The following KCNH7 variants were observed in gnomAD, a reference collection of about 807,000 sequenced individuals.
The protein encoded by KCNH7 is voltage-gated inwardly rectifying potassium channel KCNH7.
In KCNH7, 49 loss-of-function variants were observed where a neutral mutation model predicts 120.8. The observed-to-expected ratio is 0.41, with a 90% CI of 0.32 to 0.51. The LOEUF is 0.51. KCNH7 is among the 20% of genes least tolerant of loss of function. The probability of loss-of-function intolerance (pLI) is 0.38; values close to 1 mark genes in which losing one functional copy is unlikely to be tolerated. For missense variants in KCNH7, 1,097 were observed against 1,446.6 expected, an observed-to-expected ratio of 0.76 and a Z score of 3.92; for synonymous variants, 547 against 516.1, an observed-to-expected ratio of 1.06 and a Z score of -0.81.
At chr2:162,468,851 T>C (rs1385208771) in intron 6 of KCNH7, among the ~76,000 whole-genome samples, 1 of 147,112 alleles carries the variant, frequency 6.8e-6, no homozygotes, top group African/African-American at 2.7e-5. Flanking sequence ...CCAGCCTCTT[T>C]CCCTTTTTTT....
At chr2:162,809,911 T>TAATATAATATACATTTATGATCAAA (rs1455946367) in intron 2 of KCNH7, among the ~76,000 whole-genome samples, 1 of 54,866 alleles carries the variant, frequency 1.8e-5, no homozygotes, top group African/African-American at 5.6e-5. Context: ...CACCTATTCT[T>TAATATAATATACATTTATGATCAAA]TTTTTTTTTT....
At chr2:162,696,986 A>C (rs560700768) in intron 2 of KCNH7, among the ~76,000 whole-genome samples, 1 of 152,188 alleles carries the variant, frequency 6.6e-6, no homozygotes, top group African/African-American at 2.4e-5. Context: ...ATTTTCTATT[A>C]GTTATTTTCA....
chr2:162,465,673 G>A (rs978997773), intron 6 of KCNH7, among the ~76,000 whole-genome samples: 2 of 152,136 alleles, frequency 1.3e-5, no homozygotes, highest in African/African-American at 4.8e-5. Flanking sequence ...TGTATTCATT[G>A]AGGTTATAAG....
At chr2:162,649,126 T>A (rs1454761512) in intron 2 of KCNH7, among the ~76,000 whole-genome samples, 3 of 152,218 alleles carry the variant, frequency 2.0e-5, no homozygotes, top group African/African-American at 7.2e-5. Flanking sequence ...ATTTCCACTA[T>A]CAATTATTAA....
intron 8 of KCNH7, among the ~76,000 whole-genome samples, chr2:162,432,602 T>C (rs1383116797): frequency 6.6e-6 from 1 of 152,016 alleles, no homozygotes; most frequent in African/African-American, 2.4e-5. Context: ...TAAACCATGC[T>C]TAAAATCCAA....
At chr2:162,718,327 T>G (rs1049753348) in intron 2 of KCNH7, among the ~76,000 whole-genome samples, 11 of 152,082 alleles carry the variant, frequency 7.2e-5, no homozygotes, top group African/African-American at 2.7e-4. Flanking sequence ...GTGCACTGAC[T>G]TCAATGACCA....
intron 2 of KCNH7, among the ~76,000 whole-genome samples, chr2:162,711,885 C>CA (rs769443080): frequency 3.2e-4 from 48 of 151,482 alleles, no homozygotes; most frequent in Non-Finnish European, 5.3e-4. Context: ...ACAAAACAAA[C>CA]AAAAAAAATG....
intron 2 of KCNH7, among the ~76,000 whole-genome samples, chr2:162,623,494 T>G (rs1683434576): frequency 6.6e-6 from 1 of 152,186 alleles, no homozygotes; most frequent in South Asian, 2.1e-4. Flanking sequence ...TAGAACTGCT[T>G]TTTATATGGG....
chr2:162,755,628 A>G (rs1688763566), intron 2 of KCNH7, among the ~76,000 whole-genome samples: 1 of 152,190 alleles, frequency 6.6e-6, no homozygotes, highest in African/African-American at 2.4e-5. Context: ...TTCACATTGA[A>G]TAGCTCTTAG....
At chr2:162,458,176 T>G (rs1052249273) in intron 6 of KCNH7, among the ~76,000 whole-genome samples, 5 of 151,834 alleles carry the variant, frequency 3.3e-5, no homozygotes, top group South Asian at 4.2e-4. Context: ...GTCATTTAGA[T>G]TCAGGTTCAG....
intron 2 of KCNH7, among the ~76,000 whole-genome samples, chr2:162,594,235 ATT>A (rs1694302109): frequency 2.0e-5 from 3 of 151,202 alleles, no homozygotes; most frequent in African/African-American, 7.3e-5. Flanking sequence ...ACCAGTAAGT[ATT>A]CCTTCCTTTG....
Position 162,398,910 on chromosome 2 carries a change from G to T in KCNH7, c.2407+1279C>A, listed in dbSNP as rs141773783. ...GGTTAGAAAACCAAATTTGGGAAAT[G>T]TAAAAAAAAACTAATATAATAAAAT... On this transcript the variant is annotated intron_variant, in intron 10 of 15. Coordinates refer to ENST00000332142, the MANE Select transcript of KCNH7 (RefSeq NM_033272.4). Among the ~76,000 whole-genome samples, 485 of 151,692 alleles carry T rather than the reference G, an allele frequency of 3.2e-3. 2 individuals are homozygous for T. The highest frequency in any genetic ancestry group is 0.011 in the African/African-American group (464 of 41,464).
intron 2 of KCNH7, among the ~76,000 whole-genome samples, chr2:162,815,075 C>G (rs1684872077): frequency 1.3e-5 from 2 of 152,064 alleles, no homozygotes; most frequent in African/African-American, 4.8e-5. Flanking sequence ...TGAACTTTGT[C>G]TTTTTACTCC....
At chr2:162,650,931 C>G (rs1042119805) in intron 2 of KCNH7, among the ~76,000 whole-genome samples, 1 of 152,158 alleles carries the variant, frequency 6.6e-6, no homozygotes, top group Admixed American at 6.6e-5. Flanking sequence ...CTCTACCCTC[C>G]AAAACTCTGA....
chr2:162,611,006 C>T (rs1257275330), intron 2 of KCNH7, among the ~76,000 whole-genome samples: 1 of 152,218 alleles, frequency 6.6e-6, no homozygotes, highest in African/African-American at 2.4e-5. Context: ...AAAAGCCACA[C>T]TGTCCCTCAC....
At chr2:162,530,920 CTTGAT>C (rs1691900597) in intron 3 of KCNH7, among the ~76,000 whole-genome samples, 2 of 151,872 alleles carry the variant, frequency 1.3e-5, no homozygotes, top group South Asian at 2.1e-4. Context: ...AACTTTTCTG[CTTGAT>C]TTAACAATCC....
At chr2:162,489,688 C>A (rs1250129152) in intron 6 of KCNH7, among the ~76,000 whole-genome samples, 1 of 152,130 alleles carries the variant, frequency 6.6e-6, no homozygotes, top group African/African-American at 2.4e-5. Context: ...TCCATAATTA[C>A]CCTAATGACA....
chr2:162,508,070 C>T (rs371921905), intron 5 of KCNH7, among the ~76,000 whole-genome samples: 2 of 151,444 alleles, frequency 1.3e-5, no homozygotes, highest in East Asian at 3.9e-4. Flanking sequence ...TTTATTTCTC[C>T]TGTATATTAC....
intron 9 of KCNH7, among the ~76,000 whole-genome samples, chr2:162,415,817 G>A (rs534529364): frequency 6.6e-6 from 1 of 152,090 alleles, no homozygotes; most frequent in Non-Finnish European, 1.5e-5. Flanking sequence ...AGAAAGCATG[G>A]GATATAAATG....
Sources: allele counts gnomAD v4.1 joint callset (sites outside exome capture counted in the v4.1 genomes callset), GRCh38; gene constraint gnomAD v4.1.1; transcripts MANE v1.5; gene names NCBI Gene and HGNC (gene_info 2026-07-23, HGNC 2026-07-21).